SLC24A2: variants seen among roughly 807,000 people sequenced by gnomAD.
SLC24A2 encodes solute carrier family 24 member 2.
Under a neutral mutation model 62.0 loss-of-function variants are expected in SLC24A2, and 36 were observed. That is an observed-to-expected ratio of 0.58 (90% CI 0.44 to 0.77). The LOEUF is 0.77. Ranked by LOEUF, SLC24A2 falls within the 30% of genes least tolerant of loss-of-function variation. SLC24A2 has a pLI of 0.00. For missense variants in SLC24A2, 846 were observed against 817.9 expected (o/e 1.03, Z -0.42); for synonymous variants, 358 against 294.0 (o/e 1.22, Z -2.23).
chr9:19,773,047 A>C (rs377461305), intron 2 of SLC24A2, among the ~76,000 whole-genome samples: 213 of 152,346 alleles, frequency 1.4e-3, no homozygotes, highest in African/African-American at 4.5e-3. Flanking sequence ...ACGCTAAATG[A>C]AAGCAGCCAG....
chr9:19,789,849 T>C (rs57263594), upstream of SLC24A2, among the ~76,000 whole-genome samples: 454 of 152,254 alleles, frequency 3.0e-3, 4 homozygotes, highest in African/African-American at 9.9e-3. Context: ...TGAAAGCTTT[T>C]CGCACATTTT....
chr9:19,628,222 T>A (rs1399585421), intron 2 of SLC24A2, among the ~76,000 whole-genome samples: 1 of 152,186 alleles, frequency 6.6e-6, no homozygotes, highest in Admixed American at 6.5e-5. Context: ...ACTGTGTGCT[T>A]CTGGGTCAGT....
chr9:19,965,656 C>T, the SLC24A2 span, among the ~76,000 whole-genome samples: 3 of 152,130 alleles, frequency 2.0e-5, no homozygotes. Context: ...GCTATGAAAA[C>T]AATTCCATGG....
chr9:20,210,675 T>C, the SLC24A2 span, among the ~76,000 whole-genome samples: 118 of 89,862 alleles, frequency 1.3e-3, 1 homozygote, highest in East Asian at 4.2e-3. Flanking sequence ...TTTTTTTTTT[T>C]CTGTATTTTT....
chr9:19,829,390 TGAA>T, the SLC24A2 span, among the ~76,000 whole-genome samples: 1 of 152,158 alleles, frequency 6.6e-6, no homozygotes, highest in Non-Finnish European at 1.5e-5. Context: ...GATTTGCTAT[TGAA>T]GAGCATCTGA....
chr9:19,973,566 A>G, the SLC24A2 span, among the ~76,000 whole-genome samples: 1 of 152,180 alleles, frequency 6.6e-6, no homozygotes, highest in African/African-American at 2.4e-5. Context: ...TTGCTATGTA[A>G]TCTTGGCATC....
chr9:19,820,837 C>T, the SLC24A2 span, among the ~76,000 whole-genome samples: 1 of 152,008 alleles, frequency 6.6e-6, no homozygotes, highest in African/African-American at 2.4e-5. Flanking sequence ...TACAAATCTA[C>T]ATGTTCTCAG....
At chr9:20,153,497 T>C in the SLC24A2 span, among the ~76,000 whole-genome samples, 8 of 151,956 alleles carry the variant, frequency 5.3e-5, no homozygotes, top group African/African-American at 1.9e-4. Context: ...TTAATTTCTC[T>C]GACCTAGGTA....
chr9:19,787,701 CAT>C (rs1823216357), intron 1 of SLC24A2, among the ~76,000 whole-genome samples: 1 of 60,900 alleles, frequency 1.6e-5, no homozygotes, highest in Admixed American at 2.2e-4. Flanking sequence ...CTTCCCTAAA[CAT>C]CTAGACATTG....
chr9:19,680,533 AAAATG>A (rs1243116294), intron 2 of SLC24A2, among the ~76,000 whole-genome samples: 1 of 152,016 alleles, frequency 6.6e-6, no homozygotes, highest in Non-Finnish European at 1.5e-5. Flanking sequence ...TTCGCTCATT[AAAATG>A]GCTGTTAACA....
intron 2 of SLC24A2, among the ~76,000 whole-genome samples, chr9:19,731,516 C>CCCTGT (rs72153360): frequency 5.4e-4 from 62 of 113,824 alleles, no homozygotes; most frequent in Non-Finnish European, 1.0e-3. Flanking sequence ...TCTCTCTCTC[C>CCCTGT]GTGTGTGTGT....
At chr9:20,091,127 T>C in the SLC24A2 span, among the ~76,000 whole-genome samples, 1 of 148,378 alleles carries the variant, frequency 6.7e-6, no homozygotes, top group Admixed American at 6.7e-5. Context: ...ACTGGCTCTC[T>C]GAAATGACAG....
chr9:19,812,221 T>A, the SLC24A2 span, among the ~76,000 whole-genome samples: 56 of 152,174 alleles, frequency 3.7e-4, no homozygotes, highest in African/African-American at 1.1e-3. Context: ...TTTTTTCAAA[T>A]CACTTTTGGA....
chr9:19,947,925 A>G, the SLC24A2 span, among the ~76,000 whole-genome samples: 1 of 152,160 alleles, frequency 6.6e-6, no homozygotes, highest in African/African-American at 2.4e-5. Flanking sequence ...GCCAAAGTTT[A>G]TAGGCTTTGG....
At chr9:19,834,871 G>A in the SLC24A2 span, among the ~76,000 whole-genome samples, 1 of 152,174 alleles carries the variant, frequency 6.6e-6, no homozygotes, top group African/African-American at 2.4e-5. Context: ...ACTAACAGCG[G>A]ATCTCTCGGC....
At chr9:19,819,929 C>T in the SLC24A2 span, among the ~76,000 whole-genome samples, 1 of 149,816 alleles carries the variant, frequency 6.7e-6, no homozygotes, top group Non-Finnish European at 1.5e-5. Flanking sequence ...GCACAATTCA[C>T]AATTGTAAAA....
At chr9:19,541,490 T>TG (rs1351467637) in intron 8 of SLC24A2, among the ~76,000 whole-genome samples, 3 of 150,010 alleles carry the variant, frequency 2.0e-5, no homozygotes, top group Non-Finnish European at 3.0e-5. Context: ...GTGCCCCTGC[T>TG]GGGGGGTGCC....
At chr9:19,699,199 A>ACAAACGT (rs1820285235) in intron 2 of SLC24A2, among the ~76,000 whole-genome samples, 1 of 152,152 alleles carries the variant, frequency 6.6e-6, no homozygotes, top group Non-Finnish European at 1.5e-5. Context: ...TAGCATATAA[A>ACAAACGT]CAAACGTGGA....
At chr9:19,520,483 T>C (rs1403672804) in intron 10 of SLC24A2, among the ~76,000 whole-genome samples, 5 of 152,176 alleles carry the variant, frequency 3.3e-5, no homozygotes, top group African/African-American at 1.2e-4. Flanking sequence ...ATATGTATGG[T>C]AGGCCTATGT....
Sources: allele counts gnomAD v4.1 joint callset (sites outside exome capture counted in the v4.1 genomes callset), GRCh38; gene constraint gnomAD v4.1.1; transcripts MANE v1.5; gene names NCBI Gene and HGNC (gene_info 2026-07-23, HGNC 2026-07-21).